ERC2: variants seen among roughly 807,000 people sequenced by gnomAD.
ERC2 encodes ELKS/RAB6-interacting/CAST family member 2, also known as ERC protein 2.
A neutral mutation model predicts 114.8 loss-of-function variants in ERC2; 42 were observed. That is an observed-to-expected ratio of 0.37 (90% confidence interval 0.29 to 0.47). The LOEUF (loss-of-function observed/expected upper bound fraction) is 0.47, where lower values mean the gene tolerates loss of function less well. ERC2 is among the 20% of genes least tolerant of loss of function. ERC2 has a pLI of 0.99. For synonymous variants in ERC2, 454 were observed against 425.5 expected (o/e 1.07, Z -0.82); for missense variants, 939 against 1,150.7 (o/e 0.82, Z 2.66).
At chr3:55,717,334 G>A (rs535528677) in intron 15 of ERC2, among the ~76,000 whole-genome samples, 1 of 152,242 alleles carries the variant, frequency 6.6e-6, no homozygotes, top group African/African-American at 2.4e-5. Context: ...AAGCCTCTTG[G>A]GAGTTCCAAG....
chr3:56,238,134 T>C (rs928009420), intron 3 of ERC2, among the ~76,000 whole-genome samples: 3 of 152,130 alleles, frequency 2.0e-5, no homozygotes, highest in African/African-American at 7.2e-5. Flanking sequence ...CAATCTTAAA[T>C]AGAAGTTTTG....
At chr3:56,223,307 A>C (rs552472113) in intron 3 of ERC2, among the ~76,000 whole-genome samples, 1 of 152,280 alleles carries the variant, frequency 6.6e-6, no homozygotes, top group African/African-American at 2.4e-5. Flanking sequence ...GCTTGCTGGC[A>C]TTGTGGTGGG....
intron 3 of ERC2, among the ~76,000 whole-genome samples, chr3:56,214,941 C>T (rs1312186941): frequency 2.0e-5 from 3 of 152,150 alleles, no homozygotes; most frequent in African/African-American, 7.2e-5. Context: ...CAAGCAAATG[C>T]TGAGAGATCT....
intron 6 of ERC2, among the ~76,000 whole-genome samples, chr3:56,118,687 A>G (rs1424532051): frequency 7.2e-6 from 1 of 139,444 alleles, no homozygotes; most frequent in Non-Finnish European, 1.5e-5. Context: ...CCCAGGCTGG[A>G]GTGCAGTGGC....
At chr3:56,396,669 T>C (rs1385679540) in intron 2 of ERC2, among the ~76,000 whole-genome samples, 2 of 152,130 alleles carry the variant, frequency 1.3e-5, no homozygotes, top group African/African-American at 4.8e-5. Flanking sequence ...ATCTTTCAAG[T>C]TTTAGGGTTT....
intron 17 of ERC2, among the ~76,000 whole-genome samples, chr3:55,558,143 C>G (rs1012368692): frequency 1.1e-4 from 17 of 152,216 alleles, no homozygotes; most frequent in Admixed American, 1.1e-3. Flanking sequence ...TGCCTCTCTG[C>G]CTAGTCACAG....
chr3:56,133,538 T>C (rs1014640293), intron 6 of ERC2, among the ~76,000 whole-genome samples: 5 of 152,246 alleles, frequency 3.3e-5, no homozygotes, highest in African/African-American at 7.2e-5. Context: ...TGGAAATCAC[T>C]AGATTCCTAG....
intron 7 of ERC2, among the ~76,000 whole-genome samples, chr3:56,039,745 T>C (rs1177695999): frequency 2.0e-5 from 3 of 152,138 alleles, no homozygotes; most frequent in African/African-American, 7.2e-5. Context: ...TTTCAAAATA[T>C]ACTACAAAGC....
chr3:55,938,533 T>G (rs1431656928), intron 13 of ERC2, among the ~76,000 whole-genome samples: 1 of 152,220 alleles, frequency 6.6e-6, no homozygotes, highest in Non-Finnish European at 1.5e-5. Context: ...AAGCCGTCAT[T>G]AAGTCAGGTT....
At chr3:56,189,706 T>C (rs2083869322) in intron 3 of ERC2, among the ~76,000 whole-genome samples, 2 of 152,176 alleles carry the variant, frequency 1.3e-5, no homozygotes, top group African/African-American at 4.8e-5. Context: ...ACATTTGGCT[T>C]GCAGGCACCA....
chr3:55,712,138 T>C (rs1237421838), intron 15 of ERC2, among the ~76,000 whole-genome samples: 1 of 152,226 alleles, frequency 6.6e-6, no homozygotes, highest in Non-Finnish European at 1.5e-5. Context: ...TAATGTCCTT[T>C]TTTCCCACGT....
chr3:56,269,750 G>A (rs2053540031), intron 3 of ERC2, among the ~76,000 whole-genome samples: 1 of 152,134 alleles, frequency 6.6e-6, no homozygotes, highest in African/African-American at 2.4e-5. Flanking sequence ...ATGAAGAAAA[G>A]GCTCCAATCT....
At chr3:56,417,320 A>T (rs1485745897) in intron 2 of ERC2, among the ~76,000 whole-genome samples, 1 of 152,164 alleles carries the variant, frequency 6.6e-6, no homozygotes, top group Non-Finnish European at 1.5e-5. Flanking sequence ...TTTCCATCTC[A>T]TGCCGTGGGA....
At chr3:56,003,631 C>G (rs1319108586) in intron 10 of ERC2, among the ~76,000 whole-genome samples, 1 of 152,068 alleles carries the variant, frequency 6.6e-6, no homozygotes, top group Non-Finnish European at 1.5e-5. Context: ...GATCAGCAAA[C>G]AGCAGGTTAG....
intron 2 of ERC2, among the ~76,000 whole-genome samples, chr3:56,298,885 A>T (rs928852419): frequency 2.0e-5 from 3 of 152,172 alleles, no homozygotes; most frequent in Non-Finnish European, 4.4e-5. Context: ...TTGTCACAAA[A>T]ATCATGAGGT....
intron 2 of ERC2, among the ~76,000 whole-genome samples, chr3:56,397,316 T>G (rs2060347640): frequency 6.8e-6 from 1 of 147,602 alleles, no homozygotes; most frequent in Non-Finnish European, 1.5e-5. Context: ...ACCACTGCAC[T>G]CCAGCCTGGG....
chr3:56,430,053 A>G (rs914624139), intron 2 of ERC2, among the ~76,000 whole-genome samples: 1 of 152,234 alleles, frequency 6.6e-6, no homozygotes, highest in Non-Finnish European at 1.5e-5. Flanking sequence ...ATACAAGAGC[A>G]TTTCAATCTC....
chr3:55,701,547 TA>T (rs914882968), intron 15 of ERC2, among the ~76,000 whole-genome samples: 21 of 151,344 alleles, frequency 1.4e-4, no homozygotes, highest in South Asian at 4.2e-4. Context: ...AAGTGAATGT[TA>T]AAAAAAAACT....
intron 3 of ERC2, among the ~76,000 whole-genome samples, chr3:56,204,491 A>ATTTTATTTTATTTTATTTTC (rs2048593495): frequency 6.8e-6 from 1 of 147,646 alleles, no homozygotes; most frequent in Non-Finnish European, 1.5e-5. Context: ...ATTTTATTTT[A>ATTTTATTTTATTTTATTTTC]TTTTATTTTA....
Sources: gnomAD v4.1 joint callset for allele counts (sites outside exome capture counted in the v4.1 genomes callset) on GRCh38, gnomAD v4.1.1 for gene constraint, MANE v1.5 for transcripts, NCBI Gene and HGNC (gene_info 2026-07-23, HGNC 2026-07-21) for gene names.